Variants in VPS8 observed in about 807,000 individuals in gnomAD.
VPS8 encodes the protein VPS8 subunit of CORVET complex, also known as vacuolar protein sorting-associated protein 8 homolog.
Under a neutral mutation model 216.4 loss-of-function variants are expected in VPS8, and 129 were observed. The observed-to-expected ratio is 0.60, with a 90% CI of 0.52 to 0.69. The LOEUF is 0.69. Ranked by LOEUF, VPS8 falls within the 30% of genes least tolerant of loss-of-function variation. The pLI is 0.00. For missense variants in VPS8, 1,531 were observed against 1,683.5 expected (o/e 0.91, Z 1.59); for synonymous variants, 571 against 565.4 (o/e 1.01, Z -0.14).
chr3:184,924,830 G>A, intron 29 of VPS8, 32 bp from the exon 30 acceptor site: 14 of 1,577,822 alleles, frequency 8.9e-6, no homozygotes, highest in Non-Finnish European at 1.2e-5. Context: ...ACCAAATGGT[G>A]TATTGAATAA....
chr3:184,888,126 T>C (rs1731639350), intron 22 of VPS8, among the ~76,000 whole-genome samples: 2 of 152,058 alleles, frequency 1.3e-5, no homozygotes, highest in Non-Finnish European at 2.9e-5. Flanking sequence ...TAGCTGGGAC[T>C]ACAGGCGCCC....
At chr3:185,026,402 C>T in intron 46 of VPS8, among the ~76,000 whole-genome samples, 1 of 144,440 alleles carries the variant, frequency 6.9e-6, no homozygotes, top group South Asian at 2.2e-4. Context: ...CGAGGGATGG[C>T]TGTATTTCTT....
intron 21 of VPS8, among the ~76,000 whole-genome samples, chr3:184,876,603 C>T (rs1729323549): frequency 6.6e-6 from 1 of 152,112 alleles, no homozygotes; most frequent in South Asian, 2.1e-4. Flanking sequence ...TTTGTAGGTA[C>T]CTCAGACTCT....
intron 43 of VPS8, among the ~76,000 whole-genome samples, chr3:184,994,277 G>A (rs566667082): frequency 6.6e-6 from 1 of 152,144 alleles, no homozygotes; most frequent in South Asian, 2.1e-4. Context: ...TGAGACAGGA[G>A]GATTGCCAGA....
chr3:184,964,638 A>C, intron 38 of VPS8, 81 bp downstream of exon 38: 4 of 899,240 alleles, frequency 4.4e-6, no homozygotes, highest in Middle Eastern at 2.5e-4. Context: ...TTATGTTTCA[A>C]AGCCAGTTGC....
Position 184,996,437 on chromosome 3 carries a change from T to C in VPS8, c.3772T>C (p.Cys1258Arg). 6.2e-7 allele frequency: 1 copy of C among 1,613,906 alleles called. No homozygotes were observed. Among genetic ancestry groups the C allele is most frequent in the Non-Finnish European group, 8.5e-7 (1 of 1,179,844 alleles). Residue 1258 changes from cysteine (C) to arginine (R), a missense_variant, in exon 44 of 48, where the codon TGC becomes CGC. By Grantham distance (180) the Cys-to-Arg change is radical. This residue lies in a region of VPS8 where 1,318 missense variants were observed against 1,468.4 expected (regional missense o/e 0.90). Coordinates refer to ENST00000625842, the MANE Select transcript of VPS8 (RefSeq NM_001009921.3). ...TRGLNPKQDY[C>R]SICLQQYKRR... ...AGGACTGAATCCCAAACAAGATTAC[T>C]GCTCTATATGTTTGCAGCAGTACAA...
chr3:185,012,035 A>G (rs1238184316), intron 45 of VPS8, among the ~76,000 whole-genome samples: 2 of 152,150 alleles, frequency 1.3e-5, no homozygotes, highest in African/African-American at 2.4e-5. Context: ...ATTTTATTAG[A>G]TGTCAACAGC....
intron 45 of VPS8, among the ~76,000 whole-genome samples, chr3:185,005,432 G>C (rs1223563246): frequency 1.3e-5 from 2 of 152,058 alleles, no homozygotes; most frequent in Admixed American, 6.5e-5. Flanking sequence ...ATTTTGATGG[G>C]AATTGCATTG....
chr3:184,936,692 A>G (rs1741704269), intron 35 of VPS8, among the ~76,000 whole-genome samples: 1 of 150,908 alleles, frequency 6.6e-6, no homozygotes, highest in Non-Finnish European at 1.5e-5. Flanking sequence ...TAATCCACAG[A>G]TCCTCCCTTC....
intron 46 of VPS8, among the ~76,000 whole-genome samples, chr3:185,047,509 G>A (rs1384781786): frequency 2.6e-5 from 4 of 152,116 alleles, no homozygotes; most frequent in African/African-American, 9.7e-5. Context: ...CAGTGCAGAC[G>A]CTTGGGACAG....
In VPS8 at chr3:184,998,463, G is replaced by C. The variant is rs1009730017; in HGVS notation, c.3837-1233G>C. Among the ~76,000 whole-genome samples the C allele has an allele frequency of 6.3e-4, 47 of 74,302 alleles. 1 individual carries two copies. Among genetic ancestry groups the C allele is most frequent in the Non-Finnish European group, 2.4e-4 (8 of 33,684 alleles). 48.7% of individuals were successfully genotyped at this position (74,302 alleles called of 152,430 possible). On this transcript the variant is annotated intron_variant, in intron 44 of 47. Coordinates refer to ENST00000625842, the MANE Select transcript of VPS8 (RefSeq NM_001009921.3). ...GAGCAAAGGTAGCTACAACAACAGA[G>C]TATAGAAGAGGAAGTTTATATATAT...
intron 14 of VPS8, among the ~76,000 whole-genome samples, chr3:184,856,902 G>A (rs1217636903): frequency 1.3e-5 from 2 of 152,040 alleles, no homozygotes; most frequent in Non-Finnish European, 2.9e-5. Context: ...AAAGAGGGAC[G>A]AGGTCTTGCG....
In VPS8 at chr3:184,984,582, A is replaced by G. The variant is rs148129060; in HGVS notation, c.3585+1488A>G. On this transcript the variant is annotated intron_variant, in intron 42 of 47. Coordinates refer to ENST00000625842, the MANE Select transcript of VPS8 (RefSeq NM_001009921.3). Reference sequence around the variant, plus strand: ...TGCTCGGATTACAGGCATGAGCCACAGCGCCCGGCCAGAACACATTTTTAC... The same window carrying G: ...TGCTCGGATTACAGGCATGAGCCACGGCGCCCGGCCAGAACACATTTTTAC... 5.4e-3 allele frequency among the ~76,000 whole-genome samples: 821 copies of G among 152,176 alleles called. 3 individuals are homozygous for G. The highest frequency in any genetic ancestry group is 0.018 in the African/African-American group (753 of 41,528).
At position 184,824,554 on chromosome 3, in the gene VPS8, T is replaced by G; in HGVS notation, c.-79T>G. 7.0e-7 allele frequency: 1 copy of G among 1,419,532 alleles called. No homozygotes were observed. Among genetic ancestry groups the G allele is most frequent in the Non-Finnish European group, 9.6e-7 (1 of 1,042,198 alleles). 87.9% of individuals were successfully genotyped at this position (1,419,532 alleles called of 1,614,324 possible). On this transcript the variant is annotated 5_prime_UTR_variant, in exon 2 of 48. Transcript: ENST00000625842. ...TTCTTTTTTTGAAAAGAGATAATCA[T>G]TCAGGTCTTCGTGAGCTAAGGCCAA...
chr3:184,946,383 T>TGAGC (rs990779040), intron 36 of VPS8, among the ~76,000 whole-genome samples: 1 of 152,222 alleles, frequency 6.6e-6, no homozygotes, highest in African/African-American at 2.4e-5. Context: ...CGCCCAGGAA[T>TGAGC]GAGCGAGGAC....
At position 185,011,726 on chromosome 3, in the gene VPS8, A is replaced by G. The variant is rs1460829186; in HGVS notation, c.4002+11865A>G. Among the ~76,000 whole-genome samples, 42 of 152,226 alleles carry G rather than the reference A, an allele frequency of 2.8e-4. 2 individuals are homozygous for G. The highest frequency in any genetic ancestry group is 2.7e-3 in the Admixed American group (42 of 15,282). On this transcript the variant is annotated intron_variant, in intron 45 of 47. Coordinates refer to ENST00000625842, the MANE Select transcript of VPS8 (RefSeq NM_001009921.3). ...GGGATTTCCCAGGACTAAGGGCAAA[A>G]GCACAGTAAATCCTAACAAAGCCAG...
At chr3:184,986,170 T>G (rs566577852) in intron 42 of VPS8, among the ~76,000 whole-genome samples, 1 of 152,292 alleles carries the variant, frequency 6.6e-6, no homozygotes. Flanking sequence ...AGAGGAGATG[T>G]CTGAGCTGAT....
At chr3:184,913,912 G>A (rs756056710) in intron 26 of VPS8, among the ~76,000 whole-genome samples, 5 of 152,230 alleles carry the variant, frequency 3.3e-5, no homozygotes, top group Non-Finnish European at 5.9e-5. Flanking sequence ...AAACCTTGGT[G>A]TTGAAACCCG....
At chr3:184,891,604 TGTAA>T (rs953335081) in intron 22 of VPS8, among the ~76,000 whole-genome samples, 11 of 152,218 alleles carry the variant, frequency 7.2e-5, no homozygotes, top group East Asian at 1.9e-4. Flanking sequence ...TTCACAGCTG[TGTAA>T]GTATCACCAC....
Sources: gnomAD v4.1 joint callset for allele counts (sites outside exome capture counted in the v4.1 genomes callset) on GRCh38, gnomAD v4.1.1 for gene constraint, gnomAD v4.1.1 regional missense constraint, MANE v1.5 for transcripts, NCBI Gene and HGNC (gene_info 2026-07-23, HGNC 2026-07-21) for gene names.